ANKS6: variants seen among roughly 807,000 people sequenced by gnomAD.
ANKS6 encodes the protein ankyrin repeat and sterile alpha motif domain containing 6.
A neutral mutation model predicts 77.9 loss-of-function variants in ANKS6; 47 were observed. The ratio of observed to expected loss-of-function variants is 0.60; its 90% CI spans 0.48 to 0.77. The LOEUF (loss-of-function observed/expected upper bound fraction) is 0.77, where lower values mean the gene tolerates loss of function less well. Ranked by LOEUF, ANKS6 falls within the 30% of genes least tolerant of loss-of-function variation. ANKS6 has a pLI of 0.00. For synonymous variants in ANKS6, 488 were observed against 501.7 expected, an observed-to-expected ratio of 0.97 and a Z score of 0.37; for missense variants, 1,150 against 1,159.1, an observed-to-expected ratio of 0.99 and a Z score of 0.11.
At chr9:98,750,918 T>A (rs1226465565) in intron 13 of ANKS6, 111 bp downstream of exon 13, 1 of 796,852 alleles carries the variant, frequency 1.3e-6, no homozygotes, top group Non-Finnish European at 2.0e-6. Flanking sequence ...TTTCCTCAAC[T>A]GTCTCAGTGC....
At position 98,732,764 on chromosome 9, in the gene ANKS6, G is replaced by T. The variant is rs755560098; in HGVS notation, c.*3755C>A. The stretch of plus-strand genomic sequence containing the variant: ...GAAGAAGAAACGTGCTCAACATCAC[G>T]CAGCACTAGGTCTATGTCCAGTGCT... On this transcript the variant is annotated 3_prime_UTR_variant, in exon 15 of 15. Coordinates refer to ENST00000353234, the MANE Select transcript of ANKS6 (RefSeq NM_173551.5). 1 of 1,415,650 alleles carries T rather than the reference G, an allele frequency of 7.1e-7. No individual in the cohort carries two copies. The highest frequency in any genetic ancestry group is 1.4e-5 in the African/African-American group (1 of 69,244). 87.7% of individuals were successfully genotyped at this position (1,415,650 alleles called of 1,614,324 possible).
chr9:98,733,157 A>C lies in ANKS6; in HGVS notation c.*3362T>G, dbSNP rs557214570. 1 of 971,046 alleles carries C rather than the reference A, an allele frequency of 1.0e-6. No individual in the cohort carries two copies. The highest frequency in any genetic ancestry group is 1.1e-4 in the East Asian group (1 of 8,738). The allele number at this position is 971,046 out of a possible 1,614,324, so 60.2% of individuals were successfully genotyped here. A position where few individuals can be genotyped will look rare whatever the true frequency, so the allele number is the denominator to read the frequency against. On this transcript the variant is annotated 3_prime_UTR_variant, in exon 15 of 15. Transcript: ENST00000353234. ...TTCATCTTTGGAGACAGAGCGTACG[A>C]GTAGGGCTGGCACAGGGTAGATGCT...
intron 10 of ANKS6, 127 bp from the exon 11 acceptor site, chr9:98,768,377 A>G: frequency 8.7e-7 from 1 of 1,147,088 alleles, no homozygotes. Flanking sequence ...ATGTGGCTCC[A>G]GGACAGGACT....
At position 98,733,181 on chromosome 9, in the gene ANKS6, C is replaced by T. The variant is rs1831296302; in HGVS notation, c.*3338G>A. 1.0e-6 allele frequency: 1 copy of T among 983,398 alleles called. No homozygotes were observed. Among genetic ancestry groups the T allele is most frequent in the Non-Finnish European group, 1.2e-6 (1 of 828,126 alleles). 60.9% of individuals were successfully genotyped at this position (983,398 alleles called of 1,614,324 possible). A position where few individuals can be genotyped will look rare whatever the true frequency, so the allele number is the denominator to read the frequency against. ...GAGTAGGGCTGGCACAGGGTAGATGCTCAGTAAACGTTCGGTAAACAAAAG... is the reference window on the plus strand; with the variant it reads ...GAGTAGGGCTGGCACAGGGTAGATGTTCAGTAAACGTTCGGTAAACAAAAG... On this transcript the variant is annotated 3_prime_UTR_variant, in exon 15 of 15. Transcript: ENST00000353234.
At position 98,783,964 on chromosome 9, in the gene ANKS6, T is replaced by C; in HGVS notation, c.1101A>G (p.Ala367=). 6.3e-7 allele frequency: 1 copy of C among 1,595,014 alleles called. No individual in the cohort carries two copies. The highest frequency in any genetic ancestry group is 8.5e-7 in the Non-Finnish European group (1 of 1,171,640). ...GGGCTGGCACTGACCCATGGTAGGT[T>C]GCCTGCATGAGGGCCGTCCAGCCAT... ...SVHGWTALMQ[A]TYHGNKEIVK... Residue 367 remains alanine (A), a synonymous_variant, in exon 4 of 15, where the codon GCA becomes GCG. Coordinates refer to ENST00000353234, the MANE Select transcript of ANKS6 (RefSeq NM_173551.5).
At chr9:98,752,502 A>G (rs1832486148) in intron 12 of ANKS6, among the ~76,000 whole-genome samples, 1 of 151,982 alleles carries the variant, frequency 6.6e-6, no homozygotes. Flanking sequence ...CTAGGTAGCA[A>G]GGATGGAGAG....
At position 98,796,156 on chromosome 9, in the gene ANKS6, C is replaced by A; in HGVS notation, c.336G>T (p.Trp112Cys). ...ASVNSRNHYG[W>C]SALMQAARFG... is the part of the protein sequence containing the mutation. The stretch of plus-strand genomic sequence containing the variant: ...ACCTGGCCGCCTGCATGAGCGCGCT[C>A]CAGCCGTAGTGGTTGCGGCTGTTGA... The change falls in exon 1 of 15, where the codon TGG (tryptophan) becomes TGT (cysteine). Residue 112 changes from tryptophan (W) to cysteine (C), a missense_variant. Transcript: ENST00000353234. 1 of 1,405,218 alleles carries A rather than the reference C, an allele frequency of 7.1e-7. No individual in the cohort carries two copies. The highest frequency in any genetic ancestry group is 1.5e-5 in the South Asian group (1 of 66,584). 87.0% of individuals were successfully genotyped at this position (1,405,218 alleles called of 1,614,324 possible).
chr9:98,765,838 A>G (rs1453294482), intron 11 of ANKS6, among the ~76,000 whole-genome samples: 1 of 152,222 alleles, frequency 6.6e-6, no homozygotes, highest in Non-Finnish European at 1.5e-5. Context: ...TTTTAAGCAA[A>G]GTACAAAAAC....
At chr9:98,784,732 C>T in intron 3 of ANKS6, 100 bp downstream of exon 3, 3 of 1,139,912 alleles carry the variant, frequency 2.6e-6, no homozygotes, top group Non-Finnish European at 3.8e-6. Flanking sequence ...GTTTCTTTCT[C>T]AAATACCCTG....
intron 1 of ANKS6, among the ~76,000 whole-genome samples, chr9:98,792,044 A>G (rs772482032): frequency 3.2e-4 from 49 of 151,936 alleles, no homozygotes; most frequent in Admixed American, 1.5e-3. Context: ...GCGACTCCCA[A>G]ATGATATTCT....
rs1256634660 is a variant in ANKS6, at chr9:98,761,325, A to C, written c.2143-4722T>G. ...CACTCTGTAGCCCAGGCTGGAATGCAGTGGCAACATCACAGCTCACTGCAG... is the reference window on the plus strand; with the variant it reads ...CACTCTGTAGCCCAGGCTGGAATGCCGTGGCAACATCACAGCTCACTGCAG... On this transcript the variant is annotated intron_variant, in intron 11 of 14. Coordinates refer to ENST00000353234, the MANE Select transcript of ANKS6 (RefSeq NM_173551.5). 2.0e-5 allele frequency among the ~76,000 whole-genome samples: 3 copies of C among 152,212 alleles called. No individual in the cohort carries two copies. In the East Asian group the frequency reaches 5.8e-4, roughly 29 times the overall value.
At chr9:98,777,503 A>G in intron 7 of ANKS6, 49 bp from the exon 8 acceptor site, 1 of 1,587,034 alleles carries the variant, frequency 6.3e-7, no homozygotes, top group Non-Finnish European at 8.7e-7. Context: ...ACGTGTCCAC[A>G]GCATAAGGAT....
intron 14 of ANKS6, among the ~76,000 whole-genome samples, chr9:98,739,823 CGGCTCACTGCA>C (rs1421809080): frequency 8.1e-6 from 1 of 123,346 alleles, no homozygotes; most frequent in Non-Finnish European, 1.6e-5. Context: ...GGCGCAATCT[CGGCTCACTGCA>C]GGCTCCGCCC....
intron 9 of ANKS6, among the ~76,000 whole-genome samples, chr9:98,771,876 C>T (rs1833654724): frequency 6.6e-6 from 1 of 152,148 alleles, no homozygotes; most frequent in African/African-American, 2.4e-5. Flanking sequence ...TCTTCGCTTA[C>T]ACTGTAACTC....
intron 2 of ANKS6, among the ~76,000 whole-genome samples, chr9:98,788,453 T>A (rs1004959589): frequency 7.9e-5 from 12 of 152,086 alleles, no homozygotes; most frequent in African/African-American, 2.9e-4. Context: ...GAAGGGCAGA[T>A]CCTTTCCCCA....
chr9:98,741,727 A>G (rs1235988034), intron 14 of ANKS6, among the ~76,000 whole-genome samples: 4 of 152,210 alleles, frequency 2.6e-5, no homozygotes, highest in Non-Finnish European at 4.4e-5. Flanking sequence ...TACAATTCCA[A>G]TACTGGGGTG....
At position 98,733,513 on chromosome 9, in the gene ANKS6, T is replaced by C. The variant is rs1163294756; in HGVS notation, c.*3006A>G. On this transcript the variant is annotated 3_prime_UTR_variant, in exon 15 of 15. Coordinates refer to ENST00000353234, the MANE Select transcript of ANKS6 (RefSeq NM_173551.5). ...AAGCAGGCCACCTCTGCAGAGCTGCTGGGGAGAAAAAGGTGACCACCAAGG... is the reference window on the plus strand; with the variant it reads ...AAGCAGGCCACCTCTGCAGAGCTGCCGGGGAGAAAAAGGTGACCACCAAGG... 1.0e-6 allele frequency: 1 copy of C among 985,300 alleles called. No individual in the cohort carries two copies. The highest frequency in any genetic ancestry group is 1.2e-6 in the Non-Finnish European group (1 of 829,960). The allele number at this position is 985,300 out of a possible 1,614,324, so 61.0% of individuals were successfully genotyped here.
At position 98,777,285 on chromosome 9, in the gene ANKS6, A is replaced by T. The variant is rs1588393042; in HGVS notation, c.1617+120T>A. 1.4e-5 allele frequency: 15 copies of T among 1,100,914 alleles called. No homozygotes were observed. The East Asian group carries it at 3.3e-4, about 24-fold the overall frequency. The allele number at this position is 1,100,914 out of a possible 1,614,324, so 68.2% of individuals were successfully genotyped here. ...GCTAAGCCCACTGTTACACATTCTC[A>T]TCACCAACCCTATCTGTGACCACTA... On this transcript the variant is annotated intron_variant, in intron 8 of 14. Transcript: ENST00000353234.
chr9:98,752,616 C>T (rs1485713881), intron 12 of ANKS6, among the ~76,000 whole-genome samples: 1 of 152,212 alleles, frequency 6.6e-6, no homozygotes, highest in East Asian at 1.9e-4. Flanking sequence ...CCCACTTGCT[C>T]TTTACAACAC....
Sources: allele counts gnomAD v4.1 joint callset (sites outside exome capture counted in the v4.1 genomes callset), GRCh38; gene constraint gnomAD v4.1.1; transcripts MANE v1.5; gene names NCBI Gene and HGNC (gene_info 2026-07-23, HGNC 2026-07-21).